Variants in ACTR3B observed in about 807,000 individuals in gnomAD.
The protein encoded by ACTR3B is actin-related protein 3B.
A neutral mutation model predicts 59.0 loss-of-function variants in ACTR3B; 8 were observed. The ratio of observed to expected loss-of-function variants is 0.14; its 90% confidence interval spans 0.08 to 0.24. The LOEUF is 0.24. Ranked by LOEUF, ACTR3B falls within the 10% of genes least tolerant of loss-of-function variation. The pLI, the probability that ACTR3B is intolerant of heterozygous loss-of-function variation, is 1.00. For synonymous variants in ACTR3B, 148 were observed against 197.9 expected (o/e 0.75, Z 2.12); for missense variants, 245 against 552.3 (o/e 0.44, Z 5.58).
chr7:152,781,468 C>G (rs1378810040), intron 1 of ACTR3B, among the ~76,000 whole-genome samples: 1 of 151,912 alleles, frequency 6.6e-6, no homozygotes, highest in East Asian at 1.9e-4. Context: ...TAGATATAAC[C>G]ATGAGAAAGG....
At chr7:152,850,068 G>T (rs1426899382) in intron 9 of ACTR3B, among the ~76,000 whole-genome samples, 4 of 152,080 alleles carry the variant, frequency 2.6e-5, no homozygotes, top group Non-Finnish European at 5.9e-5. Context: ...TAGAAGGTCA[G>T]ATCACTGGTG....
At chr7:152,806,039 T>A (rs1173207107) in intron 4 of ACTR3B, among the ~76,000 whole-genome samples, 5 of 152,240 alleles carry the variant, frequency 3.3e-5, no homozygotes, top group Admixed American at 6.5e-5. Flanking sequence ...CATTCATTGA[T>A]GCTTTGATCA....
At chr7:152,762,056 A>G (rs924009351) in intron 1 of ACTR3B, among the ~76,000 whole-genome samples, 1 of 152,236 alleles carries the variant, frequency 6.6e-6, no homozygotes, top group African/African-American at 2.4e-5. Flanking sequence ...TTGTAAAAGC[A>G]TTGAGCTATA....
chr7:152,774,387 C>T (rs1470933927), intron 1 of ACTR3B, among the ~76,000 whole-genome samples: 1 of 152,120 alleles, frequency 6.6e-6, no homozygotes, highest in Non-Finnish European at 1.5e-5. Flanking sequence ...CCGCCTGCCT[C>T]GGCCTCCCGA....
intron 2 of ACTR3B, among the ~76,000 whole-genome samples, chr7:152,787,450 T>A (rs867003619): frequency 1.3e-5 from 2 of 152,044 alleles, no homozygotes; most frequent in Non-Finnish European, 2.9e-5. Context: ...AAAATTTTGA[T>A]ATAGTAATAC....
intron 2 of ACTR3B, among the ~76,000 whole-genome samples, chr7:152,790,434 C>A (rs866525266): frequency 1.4e-4 from 22 of 152,294 alleles, no homozygotes; most frequent in Admixed American, 6.5e-4. Context: ...CCTCCTGCCT[C>A]AGCCTCCCAG....
At chr7:152,847,931 C>T (rs1476395673) in intron 9 of ACTR3B, among the ~76,000 whole-genome samples, 2 of 152,152 alleles carry the variant, frequency 1.3e-5, no homozygotes, top group African/African-American at 4.8e-5. Context: ...TAATGGCTCG[C>T]GGTGCAAGTT....
intron 9 of ACTR3B, among the ~76,000 whole-genome samples, chr7:152,832,308 T>C (rs1315670732): frequency 6.6e-6 from 1 of 152,026 alleles, no homozygotes; most frequent in Non-Finnish European, 1.5e-5. Flanking sequence ...GTTGCAGTTG[T>C]AGGTTGGAGG....
chr7:152,822,948 T>C (rs2689593), intron 7 of ACTR3B, among the ~76,000 whole-genome samples: 326 of 135,558 alleles, frequency 2.4e-3, no homozygotes, highest in South Asian at 7.5e-3. Context: ...TAGTTGAGCT[T>C]GCAGCACGGG....
intron 1 of ACTR3B, among the ~76,000 whole-genome samples, chr7:152,771,032 C>T (rs1273596929): frequency 2.0e-5 from 3 of 150,426 alleles, no homozygotes; most frequent in East Asian, 1.9e-4. Context: ...GGCTTGATCT[C>T]GGCTTACTGC....
intron 2 of ACTR3B, among the ~76,000 whole-genome samples, chr7:152,795,913 G>T (rs552184890): frequency 6.7e-6 from 1 of 149,812 alleles, no homozygotes; most frequent in Non-Finnish European, 1.5e-5. Flanking sequence ...GCGCGATCTC[G>T]GCTCACTGCA....
At chr7:152,760,480 A>G (rs927355427) in intron 1 of ACTR3B, among the ~76,000 whole-genome samples, 7 of 152,164 alleles carry the variant, frequency 4.6e-5, no homozygotes, top group African/African-American at 1.7e-4. Context: ...AGAGAATAGC[A>G]TCGATCTCCC....
At chr7:152,769,568 C>G (rs1212534860) in intron 1 of ACTR3B, among the ~76,000 whole-genome samples, 1 of 151,990 alleles carries the variant, frequency 6.6e-6, no homozygotes, top group Non-Finnish European at 1.5e-5. Flanking sequence ...CTCATTTATA[C>G]TCATAGATAG....
At chr7:152,835,541 A>G (rs1797379940) in intron 9 of ACTR3B, among the ~76,000 whole-genome samples, 1 of 152,224 alleles carries the variant, frequency 6.6e-6, no homozygotes, top group Admixed American at 6.5e-5. Context: ...TATTGCTAAA[A>G]TATGCTGATA....
intron 9 of ACTR3B, among the ~76,000 whole-genome samples, chr7:152,846,759 G>A (rs1288388507): frequency 1.4e-5 from 2 of 142,334 alleles, no homozygotes; most frequent in South Asian, 2.3e-4. Context: ...TCTGCAGTGA[G>A]CTCTAGTGCC....
At chr7:152,780,640 T>C (rs2098149654) in intron 1 of ACTR3B, among the ~76,000 whole-genome samples, 1 of 151,442 alleles carries the variant, frequency 6.6e-6, no homozygotes, top group South Asian at 2.1e-4. Flanking sequence ...TAGTTATGAT[T>C]TCAGGGTACA....
chr7:152,842,054 T>C (rs1247835285), intron 9 of ACTR3B, among the ~76,000 whole-genome samples: 1 of 152,222 alleles, frequency 6.6e-6, no homozygotes, highest in Admixed American at 6.5e-5. Flanking sequence ...AAGGCACCCA[T>C]CTGCTTCCTA....
At chr7:152,815,318 A>G (rs1381769190) in intron 5 of ACTR3B, among the ~76,000 whole-genome samples, 7 of 152,244 alleles carry the variant, frequency 4.6e-5, no homozygotes, top group Admixed American at 4.6e-4. Context: ...AGCGCCTATC[A>G]GCACAGTCCA....
intron 2 of ACTR3B, among the ~76,000 whole-genome samples, chr7:152,797,134 A>T (rs1276540848): frequency 6.6e-6 from 1 of 151,788 alleles, no homozygotes; most frequent in South Asian, 2.1e-4. Flanking sequence ...ACTCTGTTGC[A>T]CAGGCTGGAG....
Sources: gnomAD v4.1 joint callset for allele counts (sites outside exome capture counted in the v4.1 genomes callset) on GRCh38, gnomAD v4.1.1 for gene constraint, MANE v1.5 for transcripts, NCBI Gene and HGNC (gene_info 2026-07-23, HGNC 2026-07-21) for gene names.